Variants in BMPR1A observed in about 807,000 individuals in gnomAD.
The protein encoded by BMPR1A is bone morphogenetic protein receptor type-1A.
A neutral mutation model predicts 66.0 loss-of-function variants in BMPR1A; 7 were observed. That is an observed-to-expected ratio of 0.11 (90% confidence interval 0.06 to 0.20). The LOEUF (loss-of-function observed/expected upper bound fraction) is 0.20, where lower values mean the gene tolerates loss of function less well. Among genes scored for constraint, BMPR1A ranks in the 10% least tolerant of loss-of-function variants. The pLI is 1.00. For missense variants in BMPR1A, 408 were observed against 669.1 expected (o/e 0.61, Z 4.31); for synonymous variants, 200 against 229.7 (o/e 0.87, Z 1.17).
intron 5 of BMPR1A, among the ~76,000 whole-genome samples, chr10:86,896,908 C>T (rs1404374894): frequency 6.6e-6 from 1 of 152,158 alleles, no homozygotes; most frequent in Admixed American, 6.6e-5. Flanking sequence ...GTAAACGTCA[C>T]CCAAGCACAG....
chr10:86,785,984 A>C (rs142763182), intron 1 of BMPR1A, among the ~76,000 whole-genome samples: 1 of 152,088 alleles, frequency 6.6e-6, no homozygotes, highest in Non-Finnish European at 1.5e-5. Context: ...TCAATCCTTC[A>C]ACGTCACTTT....
chr10:86,783,397 T>C (rs1055243565), intron 1 of BMPR1A, among the ~76,000 whole-genome samples: 2 of 152,212 alleles, frequency 1.3e-5, no homozygotes, highest in African/African-American at 4.8e-5. Context: ...ACACTGAAAT[T>C]TGATAGAGAT....
chr10:86,858,024 TAAAAA>T (rs1842667954), intron 2 of BMPR1A, among the ~76,000 whole-genome samples: 1 of 152,044 alleles, frequency 6.6e-6, no homozygotes, highest in Non-Finnish European at 1.5e-5. Flanking sequence ...TTCCACCTCT[TAAAAA>T]GAAGAGTATG....
At chr10:86,784,719 C>T (rs1056554567) in intron 1 of BMPR1A, among the ~76,000 whole-genome samples, 36 of 152,064 alleles carry the variant, frequency 2.4e-4, no homozygotes, top group African/African-American at 7.2e-4. Flanking sequence ...TCTGTTTCTT[C>T]GTGATTCAGT....
chr10:86,774,437 G>T (rs372662267), intron 1 of BMPR1A, among the ~76,000 whole-genome samples: 1 of 150,286 alleles, frequency 6.7e-6, no homozygotes. Flanking sequence ...CCCATTAAAG[G>T]GTAAAGAAAT....
chr10:86,856,080 G>T, intron 2 of BMPR1A: 1 of 558,434 alleles, frequency 1.8e-6, no homozygotes, highest in Non-Finnish European at 3.5e-6. Flanking sequence ...AAAAATTGCT[G>T]CAAAAAGACT....
At chr10:86,823,488 T>G (rs1842148592) in intron 1 of BMPR1A, among the ~76,000 whole-genome samples, 1 of 152,238 alleles carries the variant, frequency 6.6e-6, no homozygotes, top group Non-Finnish European at 1.5e-5. Context: ...GCCCATGCTC[T>G]TTCTTATCTT....
At chr10:86,813,200 C>T (rs1301616119) in intron 1 of BMPR1A, among the ~76,000 whole-genome samples, 1 of 152,086 alleles carries the variant, frequency 6.6e-6, no homozygotes, top group Non-Finnish European at 1.5e-5. Flanking sequence ...TCAAATTGTT[C>T]GTTTTTGGCC....
At chr10:86,913,647 A>G (rs1843523243) in intron 8 of BMPR1A, among the ~76,000 whole-genome samples, 1 of 152,188 alleles carries the variant, frequency 6.6e-6, no homozygotes, top group South Asian at 2.1e-4. Context: ...GCAACAAACA[A>G]TTAGGTAATT....
intron 1 of BMPR1A, among the ~76,000 whole-genome samples, chr10:86,781,115 A>G (rs995530701): frequency 5.3e-5 from 8 of 152,244 alleles, no homozygotes; most frequent in Non-Finnish European, 1.0e-4. Flanking sequence ...TGGCCTCGCA[A>G]AGTACTGGGA....
intron 1 of BMPR1A, among the ~76,000 whole-genome samples, chr10:86,833,487 C>G (rs993160402): frequency 6.6e-6 from 1 of 152,112 alleles, no homozygotes; most frequent in Non-Finnish European, 1.5e-5. Context: ...TTAGTAACTC[C>G]TGAGTATAAT....
chr10:86,886,062 G>A (rs1183805991), intron 3 of BMPR1A, among the ~76,000 whole-genome samples: 1 of 152,102 alleles, frequency 6.6e-6, no homozygotes, highest in Non-Finnish European at 1.5e-5. Flanking sequence ...TAAATATTTT[G>A]TGTGTGTTTG....
intron 1 of BMPR1A, among the ~76,000 whole-genome samples, chr10:86,791,707 C>CCCTCCCTT (rs1841625636): frequency 1.7e-5 from 1 of 57,784 alleles, no homozygotes; most frequent in Non-Finnish European, 3.5e-5. Context: ...CTCCCTCCCT[C>CCCTCCCTT]CCTCCCTTCC....
intron 3 of BMPR1A, chr10:86,889,749 T>G: frequency 3.6e-6 from 1 of 277,898 alleles, no homozygotes; most frequent in South Asian, 4.4e-5. Context: ...ATTAAAAAAT[T>G]TTTAAGTTAT....
chr10:86,783,039 T>G (rs1346267922), intron 1 of BMPR1A, among the ~76,000 whole-genome samples: 2 of 152,216 alleles, frequency 1.3e-5, no homozygotes, highest in East Asian at 3.8e-4. Context: ...TTTAGTTATT[T>G]TTTATTTATG....
In BMPR1A at chr10:86,850,442, G is replaced by A. The variant is rs140923736; in HGVS notation, c.-153+11463G>A. On this transcript the variant is annotated intron_variant, in intron 2 of 12. Transcript: ENST00000372037. ...CTACTGCTTTTCAAATTTAGTGTAC[G>A]CGCATGTCACCTGGGGGTCTTGTTA... is the stretch of plus-strand genomic sequence containing the variant. Among the ~76,000 whole-genome samples the A allele has an allele frequency of 2.2e-4, 34 of 152,116 alleles. 1 individual carries two copies. The East Asian group carries it at 6.4e-3, about 29-fold the overall frequency.
chr10:86,790,181 AAAAAAAAATATATATATATATATAT>A (rs1841585709), intron 1 of BMPR1A, among the ~76,000 whole-genome samples: 1 of 42,362 alleles, frequency 2.4e-5, no homozygotes, highest in Non-Finnish European at 3.8e-5. Context: ...AAAAAAAAAA[AAAAAAAAATATATATATATATATAT>A]ATATATATAT....
At chr10:86,852,550 A>G (rs1369796048) in intron 2 of BMPR1A, among the ~76,000 whole-genome samples, 1 of 152,220 alleles carries the variant, frequency 6.6e-6, no homozygotes, top group African/African-American at 2.4e-5. Context: ...TGGACTACAG[A>G]GCGCAAGACC....
At chr10:86,818,713 G>C (rs1842072248) in intron 1 of BMPR1A, among the ~76,000 whole-genome samples, 1 of 152,142 alleles carries the variant, frequency 6.6e-6, no homozygotes, top group Admixed American at 6.5e-5. Flanking sequence ...TTGAGCAGCA[G>C]TTACATATGC....
Sources: allele counts gnomAD v4.1 joint callset (sites outside exome capture counted in the v4.1 genomes callset), GRCh38; gene constraint gnomAD v4.1.1; transcripts MANE v1.5; gene names NCBI Gene and HGNC (gene_info 2026-07-23, HGNC 2026-07-21).